The following FABP5 variants were observed in gnomAD, a reference collection of about 807,000 sequenced individuals.
The protein encoded by FABP5 is fatty acid-binding protein 5.
In FABP5, 7 loss-of-function variants were observed where a neutral mutation model predicts 16.9. The ratio of observed to expected loss-of-function variants is 0.41; its 90% CI spans 0.24 to 0.78. FABP5 has a LOEUF of 0.78. FABP5 is among the 30% of genes least tolerant of loss of function. FABP5 has a pLI of 0.30. For synonymous variants in FABP5, 37 were observed against 52.8 expected (o/e 0.70, Z 1.30); for missense variants, 119 against 159.5 (o/e 0.75, Z 1.37).
Position 81,283,545 on chromosome 8 carries a change from C to T in FABP5, c.252+7C>T, listed in dbSNP as rs764917291. 73 of 1,604,530 alleles carry T rather than the reference C, an allele frequency of 4.5e-5. 1 individual carries two copies. In the Middle Eastern group the frequency reaches 1.8e-3, roughly 40 times the overall value. On this transcript the variant is annotated splice_region_variant and intron_variant, in intron 2 of 3. Transcript: ENST00000297258. ...TGATGGCAGAAAAACTCAGGTCAGT[C>T]GTGACATGTTATGAAATCACAGAAG...
Position 81,281,220 on chromosome 8 carries a change from G to A in FABP5, c.79+546G>A, listed in dbSNP as rs2131267251. The A allele has an allele frequency of 2.0e-6, 1 of 506,148 alleles. No homozygotes were observed. Among genetic ancestry groups the A allele is most frequent in the Non-Finnish European group, 2.6e-6 (1 of 391,510 alleles). The allele number at this position is 506,148 out of a possible 1,614,324, so 31.4% of individuals were successfully genotyped here. ...TCCGTTTTCTTCATGGGGACGCGGT[G>A]CTGGCGCGCAGTTTCCCGCAGAAAT... On this transcript the variant is annotated intron_variant, in intron 1 of 3. Transcript: ENST00000297258. This position sits in a 1 kb window ranked among gnomAD's most constrained non-coding sequence, Gnocchi z 4.5.
At chr8:81,280,901 G>T in intron 1 of FABP5, 1 of 519,706 alleles carries the variant, frequency 1.9e-6, no homozygotes, top group African/African-American at 2.0e-5. Context: ...CCCGCGGGCC[G>T]CAAGATTCCG....
In FABP5 at chr8:81,281,618, C is replaced by T; in HGVS notation, c.79+944C>T. The T allele has an allele frequency of 1.0e-6, 1 of 985,370 alleles. No homozygotes were observed. Among genetic ancestry groups the T allele is most frequent in the Non-Finnish European group, 1.2e-6 (1 of 829,908 alleles). 61.0% of individuals were successfully genotyped at this position (985,370 alleles called of 1,614,324 possible). Reference sequence around the variant, plus strand: ...TAACTGCATGCAAGATGGGTGTGGCCCTGCAGAAGGCAGATGACTTCTTGA... The same window carrying T: ...TAACTGCATGCAAGATGGGTGTGGCTCTGCAGAAGGCAGATGACTTCTTGA... On this transcript the variant is annotated intron_variant, in intron 1 of 3. Coordinates refer to ENST00000297258, the MANE Select transcript of FABP5 (RefSeq NM_001444.3). This position sits in a 1 kb window ranked among gnomAD's most constrained non-coding sequence, Gnocchi z 4.5.
intron 3 of FABP5, chr8:81,284,280 A>T: frequency 1.9e-6 from 1 of 528,946 alleles, no homozygotes; most frequent in Non-Finnish European, 3.3e-6. Context: ...AATATTTGCC[A>T]TAACCAAAAG....
chr8:81,284,494 A>AAT lies in FABP5; in HGVS notation c.355-17_355-16dup, dbSNP rs1009327214. The stretch of plus-strand genomic sequence containing the variant: ...AATCTAAGGCTAACCTAACTCTTTT[A>AAT]ATATCTTTCCTTCTTCTAGGAGTGT... On this transcript the variant is annotated intron_variant, in intron 3 of 3. Transcript: ENST00000297258. 10 of 1,568,986 alleles carry AAT rather than the reference A, an allele frequency of 6.4e-6. No individual in the cohort carries two copies. In the Middle Eastern group the frequency reaches 6.7e-4, roughly 105 times the overall value.
rs780668430 is a variant in FABP5, at chr8:81,284,619, A to G, written c.*52A>G. 26 of 993,582 alleles carry G rather than the reference A, an allele frequency of 2.6e-5. No individual in the cohort carries two copies. Among genetic ancestry groups the G allele is most frequent in the Non-Finnish European group, 3.8e-5 (24 of 636,440 alleles). 61.5% of individuals were successfully genotyped at this position (993,582 alleles called of 1,614,324 possible). On this transcript the variant is annotated 3_prime_UTR_variant, in exon 4 of 4. Transcript: ENST00000297258. ...GTTAATTAAGAGAATGACCAAGCTC[A>G]GTTCAATGAGCAAATCTCCATACTG...
At position 81,281,511 on chromosome 8, in the gene FABP5, TC is replaced by T; in HGVS notation, c.79+838del. The T allele has an allele frequency of 1.0e-6, 1 of 985,614 alleles. No individual in the cohort carries two copies. The highest frequency in any genetic ancestry group is 1.2e-6 in the Non-Finnish European group (1 of 830,064). 61.1% of individuals were successfully genotyped at this position (985,614 alleles called of 1,614,324 possible). ...GTGGCCGTGTGTTGCCATCCTGGCC[TC>T]TGCCACTTGAGGGTGAGGAGGAAGG... On this transcript the variant is annotated intron_variant, in intron 1 of 3. Coordinates refer to ENST00000297258, the MANE Select transcript of FABP5 (RefSeq NM_001444.3). The surrounding 1 kb of genome is among the most constrained non-coding windows in gnomAD (Gnocchi z 4.5).
chr8:81,282,254 G>A (rs1807843841), intron 1 of FABP5, among the ~76,000 whole-genome samples: 1 of 152,066 alleles, frequency 6.6e-6, no homozygotes, highest in South Asian at 2.1e-4. Flanking sequence ...CAAATTGTGT[G>A]TAGGTTTGGA....
At chr8:81,284,232 C>T in intron 3 of FABP5, 1 of 538,112 alleles carries the variant, frequency 1.9e-6, no homozygotes, top group Non-Finnish European at 3.3e-6. Flanking sequence ...TGGCAAGCCA[C>T]CAAACTGCAC....
intron 3 of FABP5, 138 bp downstream of exon 3, chr8:81,284,112 C>G (rs1016331186): frequency 3.1e-6 from 2 of 646,554 alleles, no homozygotes; most frequent in Non-Finnish European, 2.7e-6. Flanking sequence ...TACTAGAACA[C>G]TAATTATTAA....
At chr8:81,280,998 G>C in intron 1 of FABP5, 1 of 290,496 alleles carries the variant, frequency 3.4e-6, no homozygotes, top group South Asian at 5.1e-5. Context: ...CTGTCCTTTA[G>C]CGCGCGCACC....
At chr8:81,282,094 T>G (rs1807841294) in intron 1 of FABP5, among the ~76,000 whole-genome samples, 1 of 152,164 alleles carries the variant, frequency 6.6e-6, no homozygotes, top group Non-Finnish European at 1.5e-5. Context: ...GGCAGTATTT[T>G]TCTTTTTCCT....
chr8:81,282,952 A>G (rs77854498), intron 1 of FABP5: 3,308 of 155,674 alleles, frequency 0.021, 118 homozygotes, highest in African/African-American at 0.075. Context: ...CCTTCTATCA[A>G]CTGCTTTGAG....
In FABP5 at chr8:81,283,733, AT is replaced by A. The variant is rs1371217737; in HGVS notation, c.253-138del. 16 of 925,458 alleles carry A rather than the reference AT, an allele frequency of 1.7e-5. No individual in the cohort carries two copies. The South Asian group carries it at 2.9e-4, about 17-fold the overall frequency. The allele number at this position is 925,458 out of a possible 1,614,324, so 57.3% of individuals were successfully genotyped here. ...GCTACTAGGTTGAAAACCACAAACT[AT>A]TGTGAATAAAATCAATATGGGTTAA... On this transcript the variant is annotated intron_variant, in intron 2 of 3. Transcript: ENST00000297258.
chr8:81,281,400 G>A lies in FABP5; in HGVS notation c.79+726G>A. The A allele has an allele frequency of 1.0e-6, 1 of 986,060 alleles. No individual in the cohort carries two copies. 61.1% of individuals were successfully genotyped at this position (986,060 alleles called of 1,614,324 possible). The stretch of plus-strand genomic sequence containing the variant: ...AGGGCCCCCGAGAAGCGTGGCGCTG[G>A]CGGTGCCGACCTGCTGCTGGCACTG... On this transcript the variant is annotated intron_variant, in intron 1 of 3. Coordinates refer to ENST00000297258, the MANE Select transcript of FABP5 (RefSeq NM_001444.3). This position sits in a 1 kb window ranked among gnomAD's most constrained non-coding sequence, Gnocchi z 4.5.
At chr8:81,282,482 A>G (rs1807846607) in intron 1 of FABP5, among the ~76,000 whole-genome samples, 1 of 152,194 alleles carries the variant, frequency 6.6e-6, no homozygotes, top group Non-Finnish European at 1.5e-5. Context: ...CAAGACAATC[A>G]TGCTGCGTAG....
chr8:81,284,339 T>G, intron 3 of FABP5, 175 bp from the exon 4 acceptor site: 1 of 566,336 alleles, frequency 1.8e-6, no homozygotes. Context: ...ATGCATATTA[T>G]AAGCAAAACA....
At chr8:81,283,813 G>C in intron 2 of FABP5, 60 bp from the exon 3 acceptor site, 3 of 1,343,392 alleles carry the variant, frequency 2.2e-6, no homozygotes, top group Non-Finnish European at 3.1e-6. Context: ...AGGAGGTTAT[G>C]AGTCATGGAA....
In FABP5 at chr8:81,280,541, A is replaced by T; in HGVS notation, c.-55A>T. ...CCGCCGGCGCCGGGTGCCTCACAGC[A>T]CGCTGCCACGCCGACGCAGACCCCT... On this transcript the variant is annotated 5_prime_UTR_variant, in exon 1 of 4. Transcript: ENST00000297258. 6.5e-7 allele frequency: 1 copy of T among 1,532,496 alleles called. No homozygotes were observed. Among genetic ancestry groups the T allele is most frequent in the Non-Finnish European group, 8.8e-7 (1 of 1,137,040 alleles). 94.9% of individuals were successfully genotyped at this position (1,532,496 alleles called of 1,614,324 possible).
Sources: allele counts gnomAD v4.1 joint callset (sites outside exome capture counted in the v4.1 genomes callset), GRCh38; gene constraint gnomAD v4.1.1; non-coding constraint Gnocchi (gnomAD v3.1); transcripts MANE v1.5; gene names NCBI Gene and HGNC (gene_info 2026-07-23, HGNC 2026-07-21).